Variants in LIMS1 observed in about 807,000 individuals in gnomAD.
LIMS1 encodes the protein LIM zinc finger domain containing 1.
LIMS1 carries 18 observed loss-of-function variants against 44.1 expected under a neutral mutation model. The observed-to-expected ratio is 0.41, with a 90% CI of 0.28 to 0.61. The LOEUF (loss-of-function observed/expected upper bound fraction) is 0.61, where lower values mean the gene tolerates loss of function less well. Ranked by LOEUF, LIMS1 falls within the 20% of genes least tolerant of loss-of-function variation. The probability of loss-of-function intolerance (pLI) is 0.32; values close to 1 mark genes in which losing one functional copy is unlikely to be tolerated. For missense variants in LIMS1, 201 were observed against 422.0 expected, an observed-to-expected ratio of 0.48 and a Z score of 4.59; for synonymous variants, 93 against 149.1, an observed-to-expected ratio of 0.62 and a Z score of 2.74.
chr2:108,566,831 A>T (rs1421962548), intron 1 of LIMS1, among the ~76,000 whole-genome samples: 1 of 152,172 alleles, frequency 6.6e-6, no homozygotes, highest in Non-Finnish European at 1.5e-5. Context: ...TCCTGACCTC[A>T]GGTGATGCTC....
chr2:108,535,082 G>C (rs958749525), intron 1 of LIMS1, among the ~76,000 whole-genome samples: 1 of 152,134 alleles, frequency 6.6e-6, no homozygotes, highest in Non-Finnish European at 1.5e-5. Flanking sequence ...ATGCAACATA[G>C]GGTTTTGCTA....
Position 108,594,521 on chromosome 2 carries a change from C to T in LIMS1, c.32+59927C>T, listed in dbSNP as rs922461099. On this transcript the variant is annotated intron_variant, in intron 1 of 9. Coordinates refer to ENST00000544547, the Ensembl canonical transcript of LIMS1. Reference sequence around the variant, plus strand: ...GAAAGTTGGCTGGCCGACAGGAGATCGTTTGAAATGAAAGGATTCCAGGGT... The same window carrying T: ...GAAAGTTGGCTGGCCGACAGGAGATTGTTTGAAATGAAAGGATTCCAGGGT... Among the ~76,000 whole-genome samples, 9 of 151,908 alleles carry T rather than the reference C, an allele frequency of 5.9e-5. No homozygotes were observed. The East Asian group carries it at 7.7e-4, about 13-fold the overall frequency.
chr2:108,587,312 G>GTC (rs1446226640), intron 1 of LIMS1, among the ~76,000 whole-genome samples: 7 of 141,628 alleles, frequency 4.9e-5, no homozygotes, highest in Non-Finnish European at 3.0e-5. Flanking sequence ...GTGTGTGTGT[G>GTC]TGTGTGTGTG....
At chr2:108,650,275 G>A (rs952107376) in intron 1 of LIMS1, among the ~76,000 whole-genome samples, 2 of 152,042 alleles carry the variant, frequency 1.3e-5, no homozygotes, top group South Asian at 2.1e-4. Flanking sequence ...GTGTTTATTC[G>A]GAATTAAACC....
At chr2:108,637,961 T>A (rs1689390508) in intron 1 of LIMS1, among the ~76,000 whole-genome samples, 1 of 151,696 alleles carries the variant, frequency 6.6e-6, no homozygotes. Context: ...GCTCAAGCGA[T>A]CCTCCTACCT....
intron 1 of LIMS1, among the ~76,000 whole-genome samples, chr2:108,549,275 G>GTTTTTTTTTTTTTTT (rs1558782542): frequency 1.2e-5 from 1 of 86,494 alleles, no homozygotes; most frequent in South Asian, 4.4e-4. Context: ...CAAGTAAAGT[G>GTTTTTTTTTTTTTTT]TTTCTTTTTT....
intron 8 of LIMS1, among the ~76,000 whole-genome samples, chr2:108,679,068 T>G (rs930876713): frequency 3.9e-5 from 6 of 152,044 alleles, no homozygotes; most frequent in Non-Finnish European, 7.4e-5. Context: ...CAACTATGGA[T>G]CAAAAATATT....
intron 1 of LIMS1, among the ~76,000 whole-genome samples, chr2:108,627,766 G>C (rs1688663240): frequency 1.3e-5 from 2 of 152,194 alleles, no homozygotes; most frequent in South Asian, 4.1e-4. Flanking sequence ...CTACTCATTG[G>C]CTATTCTGTG....
chr2:108,533,787 G>C (rs1056153157), upstream of LIMS1: 1 of 152,386 alleles, frequency 6.6e-6, no homozygotes, highest in Non-Finnish European at 1.5e-5. Flanking sequence ...GCAGAGGCAA[G>C]ACTGGAAACT....
At chr2:108,586,719 C>T (rs921236360) in intron 1 of LIMS1, among the ~76,000 whole-genome samples, 6 of 152,160 alleles carry the variant, frequency 3.9e-5, no homozygotes, top group Non-Finnish European at 8.8e-5. Flanking sequence ...TGCAGCATCA[C>T]GAGCTGCCTT....
chr2:108,559,302 G>C (rs957865834), intron 1 of LIMS1, among the ~76,000 whole-genome samples: 1 of 152,166 alleles, frequency 6.6e-6, no homozygotes, highest in Non-Finnish European at 1.5e-5. Flanking sequence ...TGTCCTCAGC[G>C]ACATTAAAAC....
At chr2:108,622,084 C>T (rs1281160522) in intron 1 of LIMS1, among the ~76,000 whole-genome samples, 1 of 152,170 alleles carries the variant, frequency 6.6e-6, no homozygotes, top group African/African-American at 2.4e-5. Flanking sequence ...GTTCTGAAAG[C>T]CTCTACAACA....
At chr2:108,654,279 T>G (rs1690699461) in intron 1 of LIMS1, among the ~76,000 whole-genome samples, 1 of 152,014 alleles carries the variant, frequency 6.6e-6, no homozygotes, top group Non-Finnish European at 1.5e-5. Context: ...TGTAACAGTT[T>G]CCTTAGTCAT....
chr2:108,593,254 A>G (rs937669779), intron 1 of LIMS1, among the ~76,000 whole-genome samples: 1 of 152,192 alleles, frequency 6.6e-6, no homozygotes, highest in Admixed American at 6.5e-5. Context: ...TTCCAAACAT[A>G]TCTAAACCTT....
intron 1 of LIMS1, among the ~76,000 whole-genome samples, chr2:108,594,886 G>T (rs1413998130): frequency 6.6e-6 from 1 of 151,288 alleles, no homozygotes; most frequent in Non-Finnish European, 1.5e-5. Context: ...AGACAGCATA[G>T]CTCTAAAAAA....
In LIMS1 at chr2:108,559,301, C is replaced by T. The variant is rs1249699994; in HGVS notation, c.32+24707C>T. Among the ~76,000 whole-genome samples the T allele has an allele frequency of 4.6e-5, 7 of 152,234 alleles. No individual in the cohort carries two copies. In the East Asian group the frequency reaches 7.7e-4, roughly 17 times the overall value. On this transcript the variant is annotated intron_variant, in intron 1 of 9. Transcript: ENST00000544547. ...CCTGAGAATTGTTAAATGTCCTCAG[C>T]GACATTAAAACACTTCAAAATAACT...
chr2:108,590,559 G>A (rs1686331307), intron 1 of LIMS1, among the ~76,000 whole-genome samples: 2 of 152,312 alleles, frequency 1.3e-5, no homozygotes, highest in Middle Eastern at 3.4e-3. Context: ...TCAAGTTTTT[G>A]AGGCTAACCA....
intron 1 of LIMS1, among the ~76,000 whole-genome samples, chr2:108,623,877 A>G (rs1176759059): frequency 6.6e-6 from 1 of 152,228 alleles, no homozygotes; most frequent in African/African-American, 2.4e-5. Flanking sequence ...AGTTTAAATA[A>G]AAGGCTGTGC....
intron 1 of LIMS1, among the ~76,000 whole-genome samples, chr2:108,644,585 C>T (rs1689935035): frequency 6.6e-6 from 1 of 152,102 alleles, no homozygotes; most frequent in Non-Finnish European, 1.5e-5. Flanking sequence ...CAGAACACCT[C>T]TTCTCCTCCA....
Sources: gnomAD v4.1 joint callset for allele counts (sites outside exome capture counted in the v4.1 genomes callset) on GRCh38, gnomAD v4.1.1 for gene constraint, MANE v1.5 for transcripts, NCBI Gene and HGNC (gene_info 2026-07-23, HGNC 2026-07-21) for gene names.